The following MUC5B variants were observed in gnomAD, a reference collection of about 807,000 sequenced individuals.
MUC5B encodes mucin 5B, oligomeric mucus/gel-forming.
In MUC5B, 116 loss-of-function variants were observed where a neutral mutation model predicts 376.9. The observed-to-expected ratio is 0.31, with a 90% CI of 0.26 to 0.36. The LOEUF is 0.36. MUC5B is among the 10% of genes least tolerant of loss of function. The pLI, the probability that MUC5B is intolerant of heterozygous loss-of-function variation, is 1.00. For synonymous variants in MUC5B, 3,517 were observed against 3,390.9 expected (o/e 1.04, Z -1.29); for missense variants, 7,165 against 7,769.9 (o/e 0.92, Z 2.93).
In MUC5B at chr11:1,251,729, A is replaced by G; in HGVS notation, c.14849A>G (p.Gln4950Arg). ...CCCTGCTTCTGCAGGGCATTTGGAC[A>G]GTTTTTCTCGCCCGGTGAGTGCATG... ...STPCFCRAFG[Q>R]FFSPGEVIYN... is the part of the protein sequence containing the mutation. Residue 4950 changes from glutamine to arginine, a missense_variant, in exon 31 of 49, where the codon CAG becomes CGG. Physicochemically the swap from Gln to Arg is conservative, Grantham distance 43. Transcript: ENST00000529681. The G allele has an allele frequency of 6.2e-7, 1 of 1,601,258 alleles. No homozygotes were observed. Among genetic ancestry groups the G allele is most frequent in the Non-Finnish European group, 8.5e-7 (1 of 1,171,608 alleles).
Position 1,242,563 on chromosome 11 carries a change from G to T in MUC5B, c.5683G>T (p.Ala1895Ser), listed in dbSNP as rs1437716677. ...CAGTACCCCAGCCACCAGCTCCACG[G>T]CCACGCCCTCCTCAACTCCGGGGAC... ...CPSTPATSST[A>S]TPSSTPGTTW... The change falls in exon 31 of 49, where the codon GCC becomes TCC. Residue 1895 changes from alanine to serine, a missense_variant. By Grantham distance (99) the Ala-to-Ser change is moderately conservative. This residue lies in a region of MUC5B where 897 missense variants were observed against 779.6 expected (regional missense o/e 1.15). Coordinates refer to ENST00000529681, the MANE Select transcript of MUC5B (RefSeq NM_002458.3). 1 of 1,613,798 alleles carries T rather than the reference G, an allele frequency of 6.2e-7. No individual in the cohort carries two copies. Among genetic ancestry groups the T allele is most frequent in the Admixed American group, 1.7e-5 (1 of 60,006 alleles).
Position 1,228,623 on chromosome 11 carries a change from G to A in MUC5B, c.834G>A (p.Val278=), listed in dbSNP as rs778606718. The change falls in exon 8 of 49, where the codon GTG becomes GTA. Residue 278 remains valine (V), a synonymous_variant. Coordinates refer to ENST00000529681, the MANE Select transcript of MUC5B (RefSeq NM_002458.3). ...CCTTTGCGGAGTGCCACGCACTGGTGGACAGCACTGCGTACCTGGCCGCCT... is the reference window on the plus strand; with the variant it reads ...CCTTTGCGGAGTGCCACGCACTGGTAGACAGCACTGCGTACCTGGCCGCCT... ...GPAFAECHAL[V]DSTAYLAACA... is the part of the protein sequence containing the mutation. 74 of 1,533,826 alleles carry A rather than the reference G, an allele frequency of 4.8e-5. 1 individual carries two copies. In the South Asian group the frequency reaches 8.7e-4, roughly 18 times the overall value.
chr11:1,254,668 C>T (rs745903295), intron 34 of MUC5B, 26 bp from the exon 35 acceptor site: 5 of 1,602,482 alleles, frequency 3.1e-6, no homozygotes, highest in Non-Finnish European at 4.3e-6. Context: ...TGCCTCCCAG[C>T]TCAGGGTTCC....
At chr11:1,230,201 C>T (rs1425116588) in intron 11 of MUC5B, 58 bp downstream of exon 11, 2 of 1,530,394 alleles carry the variant, frequency 1.3e-6, no homozygotes, top group Non-Finnish European at 1.8e-6. Context: ...CCTCATGCCA[C>T]TTCCACCCAG....
chr11:1,232,674 C>A lies in MUC5B; in HGVS notation c.1969C>A (p.Arg657=), dbSNP rs200222877. 1.2e-6 allele frequency: 2 copies of A among 1,600,342 alleles called. No individual in the cohort carries two copies. The highest frequency in any genetic ancestry group is 3.4e-5 in the Admixed American group (2 of 58,230). ...CATGTTTGACACCTGCAACTGTGAG[C>A]GGAGCGAGGACTGCCTGTGCGCCGC... ...NCMFDTCNCE[R]SEDCLCAALS... The change falls in exon 17 of 49, where the codon CGG becomes AGG. Residue 657 remains arginine (R), a synonymous_variant. Coordinates refer to ENST00000529681, the MANE Select transcript of MUC5B (RefSeq NM_002458.3).
At position 1,247,156 on chromosome 11, in the gene MUC5B, C is replaced by T; in HGVS notation, c.10276C>T (p.Pro3426Ser). ...AGTGCTGACCACCACCGCCACCACA[C>T]CTGCAGCCACCAGCAGCACAGTGAC... ...PPVLTTTATT[P>S]AATSSTVTPS... is the part of the protein sequence containing the mutation. The change falls in exon 31 of 49, where the codon CCT becomes TCT. Residue 3426 changes from proline (P) to serine (S), a missense_variant. Physicochemically the swap from Pro to Ser is moderately conservative, Grantham distance 74. Around this residue, in one of 31 missense-constraint regions of MUC5B, gnomAD observed 939 missense variants for 770.6 expected, o/e 1.22. Transcript: ENST00000529681. 3.9e-6 allele frequency: 6 copies of T among 1,541,050 alleles called. No homozygotes were observed. The highest frequency in any genetic ancestry group is 5.3e-6 in the Non-Finnish European group (6 of 1,130,062).
In MUC5B at chr11:1,242,664, C is replaced by G. The variant is rs531372664; in HGVS notation, c.5784C>G (p.Ser1928=). The G allele has an allele frequency of 6.2e-7, 1 of 1,613,584 alleles. No individual in the cohort carries two copies. Among genetic ancestry groups the G allele is most frequent in the Non-Finnish European group, 8.5e-7 (1 of 1,179,772 alleles). Residue 1928 remains serine (S), a synonymous_variant, in exon 31 of 49, where the codon TCC becomes TCG. Transcript: ENST00000529681. ...CTGGATCCACGGCCACCCCGACCTCCACCCTGAGAACAGCTCCCCCTCCCA... is the reference window on the plus strand; with the variant it reads ...CTGGATCCACGGCCACCCCGACCTCGACCCTGAGAACAGCTCCCCCTCCCA... ...ASTGSTATPT[S]TLRTAPPPKV...
At chr11:1,254,389 T>C in intron 34 of MUC5B, 38 bp downstream of exon 34, 1 of 1,590,998 alleles carries the variant, frequency 6.3e-7, no homozygotes, top group South Asian at 1.1e-5. Context: ...GTTGGCCCAG[T>C]CCCAACCGCA....
In MUC5B at chr11:1,239,555, CTGG is replaced by C. The variant is rs776897737; in HGVS notation, c.3573_3575del (p.Gly1192del). 26 of 1,579,476 alleles carry C rather than the reference CTGG, an allele frequency of 1.6e-5. No homozygotes were observed. The highest frequency in any genetic ancestry group is 3.5e-5 in the Admixed American group (2 of 57,048). ...AGTGGGCACTGCCTGGTGGACCTGC[CTGG>C]CCTGGAAGGTGAGGGGCAGCCTTTC... is the stretch of plus-strand genomic sequence containing the variant. On this transcript the variant is annotated inframe_deletion, in exon 27 of 49. Transcript: ENST00000529681.
chr11:1,248,066 C>T lies in MUC5B; in HGVS notation c.11186C>T (p.Ala3729Val), dbSNP rs377252293. ...TWILTEPSTT[A>V]TVTVPTGSTA... ...ATCCTCACAGAGCCGAGCACTACAG[C>T]CACCGTGACGGTGCCCACCGGATCC... Residue 3729 changes from alanine (A) to valine (V), a missense_variant, in exon 31 of 49, where the codon GCC becomes GTC. By Grantham distance (64) the Ala-to-Val change is moderately conservative. Around this residue, in one of 31 missense-constraint regions of MUC5B, gnomAD observed 72 missense variants for 127.8 expected, o/e 0.56. Coordinates refer to ENST00000529681, the MANE Select transcript of MUC5B (RefSeq NM_002458.3). 2.9e-4 allele frequency: 468 copies of T among 1,604,980 alleles called. 2 individuals are homozygous for T. The highest frequency in any genetic ancestry group is 3.8e-4 in the Non-Finnish European group (444 of 1,176,516).
In MUC5B at chr11:1,246,341, C is replaced by A; in HGVS notation, c.9461C>A (p.Pro3154Gln). ...TTAATGPTATPSSTPGTTWIL... is the reference protein window; with the variant it reads ...TTAATGPTATQSSTPGTTWIL... ...GCAGCCACTGGCCCCACGGCCACCCCGTCCTCCACCCCAGGGACCACCTGG... is the reference window on the plus strand; with the variant it reads ...GCAGCCACTGGCCCCACGGCCACCCAGTCCTCCACCCCAGGGACCACCTGG... Residue 3154 changes from proline (P) to glutamine (Q), a missense_variant, in exon 31 of 49, where the codon CCG becomes CAG. Around this residue, in one of 31 missense-constraint regions of MUC5B, gnomAD observed 939 missense variants for 770.6 expected, o/e 1.22. Transcript: ENST00000529681. 3 of 1,602,776 alleles carry A rather than the reference C, an allele frequency of 1.9e-6. No homozygotes were observed. Among genetic ancestry groups the A allele is most frequent in the Admixed American group, 1.7e-5 (1 of 59,284 alleles).
chr11:1,229,368 C>T lies in MUC5B; in HGVS notation c.1102+73C>T, dbSNP rs878860522. 24 of 1,442,754 alleles carry T rather than the reference C, an allele frequency of 1.7e-5. No individual in the cohort carries two copies. The South Asian group carries it at 2.9e-4, about 17-fold the overall frequency. The allele number at this position is 1,442,754 out of a possible 1,614,324, so 89.4% of individuals were successfully genotyped here. A position where few individuals can be genotyped will look rare whatever the true frequency, so the allele number is the denominator to read the frequency against. On this transcript the variant is annotated intron_variant, in intron 9 of 48. Transcript: ENST00000529681. The stretch of plus-strand genomic sequence containing the variant: ...CTCCCAACCCCGCCCCCAGCCTCAT[C>T]AGGCGTGGAAGCAGAGCCCCTCATG...
At chr11:1,255,324 CGCACGCACGCAGCTCCCTGGG>C (rs149213102) in intron 36 of MUC5B, 38 bp from the exon 37 acceptor site, 83,185 of 1,525,612 alleles carry the variant, frequency 0.055, 2,698 homozygotes, top group Admixed American at 0.14. Flanking sequence ...CCCGCATGCA[CGCACGCACGCAGCTCCCTGGG>C]GCTGGGGGCC....
rs776419475 is a variant in MUC5B, at chr11:1,241,849, C to G, written c.4969C>G (p.Leu1657Val). Reference sequence around the variant, plus strand: ...AGCAGTCCCCACCCTCTCAGAAGGACTGACATCCCCCAGATACACAAGCAC... The same window carrying G: ...AGCAGTCCCCACCCTCTCAGAAGGAGTGACATCCCCCAGATACACAAGCAC... ...TTAVPTLSEG[L>V]TSPRYTSTLG... is the part of the protein sequence containing the mutation. The change falls in exon 31 of 49, where the codon CTG (leucine) becomes GTG (valine). Residue 1657 changes from leucine (L) to valine (V), a missense_variant. By Grantham distance (32) the Leu-to-Val change is conservative (BLOSUM62 1). Transcript: ENST00000529681. The G allele has an allele frequency of 1.9e-6, 3 of 1,613,354 alleles. No homozygotes were observed. The highest frequency in any genetic ancestry group is 1.7e-5 in the Admixed American group (1 of 59,954).
chr11:1,254,891 G>A lies in MUC5B; in HGVS notation c.15664+11G>A, dbSNP rs201305596. On this transcript the variant is annotated intron_variant, in intron 35 of 48. Coordinates refer to ENST00000529681, the MANE Select transcript of MUC5B (RefSeq NM_002458.3). The stretch of plus-strand genomic sequence containing the variant: ...CCGAGGGCCAGTGCGGTGAGTGGGC[G>A]GCGGGTCCTGCCCCGGCCAGGGCTG... 7.7e-5 allele frequency: 124 copies of A among 1,608,360 alleles called. No individual in the cohort carries two copies. Among genetic ancestry groups the A allele is most frequent in the Admixed American group, 3.5e-4 (21 of 59,904 alleles).
Position 1,241,337 on chromosome 11 carries a change from C to T in MUC5B, c.4457C>T (p.Ser1486Phe), listed in dbSNP as rs1457051813. The change falls in exon 31 of 49, where the codon TCC (serine) becomes TTC (phenylalanine). Residue 1486 changes from serine to phenylalanine, a missense_variant. Physicochemically the swap from Ser to Phe is radical, Grantham distance 155 (BLOSUM62 -2). Coordinates refer to ENST00000529681, the MANE Select transcript of MUC5B (RefSeq NM_002458.3). ...STAALTSQTG[S>F]SSGPVTVTPS... is the part of the protein sequence containing the mutation. ...GCGGCCCTCACCTCGCAGACTGGGT[C>T]CAGCTCAGGCCCCGTGACGGTCACC... 1.9e-6 allele frequency: 3 copies of T among 1,610,642 alleles called. No homozygotes were observed. The highest frequency in any genetic ancestry group is 1.7e-5 in the Admixed American group (1 of 59,400).
rs781240609 is a variant in MUC5B, at chr11:1,258,221, C to T, written c.16555+18C>T. 38 of 1,555,838 alleles carry T rather than the reference C, an allele frequency of 2.4e-5. No homozygotes were observed. The highest frequency in any genetic ancestry group is 9.4e-5 in the Admixed American group (5 of 53,280). ...CCGCTGCAGTGAGCGGGGCTGGGGC[C>T]GGGCTCCTGGGTGGCCTCTTGCTGG... On this transcript the variant is annotated intron_variant, in intron 42 of 48. Transcript: ENST00000529681. This position sits in a 1 kb window ranked among gnomAD's most constrained non-coding sequence, Gnocchi z 5.5.
rs1452777158 is a variant in MUC5B, at chr11:1,250,264, C to A, written c.13384C>A (p.Pro4462Thr). The A allele has an allele frequency of 1.9e-6, 3 of 1,612,364 alleles. No individual in the cohort carries two copies. In the East Asian group the frequency reaches 6.7e-5, roughly 36 times the overall value. Residue 4462 changes from proline (P) to threonine (T), a missense_variant, in exon 31 of 49, where the codon CCC becomes ACC. Coordinates refer to ENST00000529681, the MANE Select transcript of MUC5B (RefSeq NM_002458.3). Reference sequence around the variant, plus strand: ...GAGCACTACAGCCACCGTGACGGTGCCCACCGGATCCACGGCCACCGCCTC... The same window carrying A: ...GAGCACTACAGCCACCGTGACGGTGACCACCGGATCCACGGCCACCGCCTC... ...EPSTTATVTVPTGSTATASST... is the reference protein window; with the variant it reads ...EPSTTATVTVTTGSTATASST...
Position 1,226,825 on chromosome 11 carries a change from AG to A in MUC5B, c.414del (p.Leu139TrpfsTer43). On this transcript the variant is annotated frameshift_variant, in exon 4 of 49. Transcript: ENST00000529681. LOFTEE classifies it high-confidence loss of function. ...PVVTRVVIKA[Q>X]GLVLEASNGS... ...GTCACCCGTGTTGTCATCAAGGCCC[AG>A]GGGCTGGTGCTGGAGGCGTCCAACG... 6.2e-7 allele frequency: 1 copy of A among 1,610,712 alleles called. No homozygotes were observed. The highest frequency in any genetic ancestry group is 2.2e-5 in the East Asian group (1 of 44,842).
Sources: gnomAD v4.1 joint callset for allele counts on GRCh38, gnomAD v4.1.1 for gene constraint, gnomAD v4.1.1 regional missense constraint, Gnocchi (gnomAD v3.1) non-coding constraint, MANE v1.5 for transcripts, NCBI Gene and HGNC (gene_info 2026-07-23, HGNC 2026-07-21) for gene names.